ATRX: variants seen among roughly 807,000 people sequenced by gnomAD.
The protein encoded by ATRX is ATRX chromatin remodeler.
Under a neutral mutation model 172.6 loss-of-function variants are expected in ATRX, and 12 were observed. The observed-to-expected ratio is 0.07, with a 90% confidence interval of 0.04 to 0.11. The LOEUF (loss-of-function observed/expected upper bound fraction) is 0.11. Ranked by LOEUF, ATRX falls within the 10% of genes least tolerant of loss-of-function variation. The probability of loss-of-function intolerance (pLI) is 1.00; values close to 1 mark genes in which losing one functional copy is unlikely to be tolerated. For missense variants in ATRX, 1,368 were observed against 1,767.4 expected (o/e 0.77, Z 4.05); for synonymous variants, 674 against 594.7 (o/e 1.13, Z -1.94).
At chrX:77,619,109 G>T in intron 20 of ATRX, 128 bp from the exon 21 acceptor site, 1 of 473,626 alleles carries the variant, frequency 2.1e-6, no homozygotes, top group Non-Finnish European at 3.6e-6. Context: ...AGAATATCAA[G>T]CTAAGTATAG....
chrX:77,623,409 T>C (rs1291225031), intron 19 of ATRX, among the ~76,000 whole-genome samples: 1 of 111,273 alleles, frequency 9.0e-6, no homozygotes. Context: ...GAGACTGAAA[T>C]GGCAATTTAA....
rs782190428 is a variant in ATRX at position 77,663,109 on chromosome X, C to T, written c.4120+273G>A. On this transcript the variant is annotated intron_variant, in intron 12 of 34. Transcript: ENST00000373344. Reference sequence around the variant, plus strand: ...TCGCCCAGGCTGCAATGCAGTGGTGCAATCGCTGCTCACTACAGCCTTGAC... The same window carrying T: ...TCGCCCAGGCTGCAATGCAGTGGTGTAATCGCTGCTCACTACAGCCTTGAC... 4.5e-5 allele frequency among the ~76,000 whole-genome samples: 5 copies of T among 111,506 alleles called. No individual in the cohort carries two copies. The South Asian group carries it at 1.1e-3, about 25-fold the overall frequency.
Position 77,758,781 on chromosome X carries a change from C to T in ATRX, c.20+27201G>A, listed in dbSNP as rs193237947. 4.5e-5 allele frequency among the ~76,000 whole-genome samples: 5 copies of T among 111,353 alleles called. No individual in the cohort carries two copies. The Admixed American group carries it at 4.8e-4, about 11-fold the overall frequency. ...TCAAAAAAAAAAAGCTAACATAGAC[C>T]TGATTTTAACAAAACGAAATGGTTA... On this transcript the variant is annotated intron_variant, in intron 1 of 34. Transcript: ENST00000373344.
intron 34 of ATRX, among the ~76,000 whole-genome samples, chrX:77,517,379 AG>A (rs1307910646): frequency 3.6e-5 from 4 of 111,769 alleles, no homozygotes; most frequent in Admixed American, 1.9e-4. Flanking sequence ...GGATCATTAG[AG>A]GCTCCTATGA....
At chrX:77,632,739 T>C (rs923001635) in intron 19 of ATRX, among the ~76,000 whole-genome samples, 3 of 112,089 alleles carry the variant, frequency 2.7e-5, no homozygotes, top group South Asian at 7.4e-4. Context: ...GGCTCTCACA[T>C]CAGATTACTA....
At chrX:77,691,563 A>T (rs894956416) in intron 6 of ATRX, among the ~76,000 whole-genome samples, 6 of 111,324 alleles carry the variant, frequency 5.4e-5, no homozygotes, top group Non-Finnish European at 1.1e-4. Context: ...GATACTGAAA[A>T]TTTTTTAAAA....
intron 1 of ATRX, among the ~76,000 whole-genome samples, chrX:77,780,499 T>C (rs1352530176): frequency 9.1e-6 from 1 of 109,403 alleles, no homozygotes; most frequent in Non-Finnish European, 1.9e-5. Flanking sequence ...ATGATTTTTT[T>C]TTGTATTTTT....
intron 27 of ATRX, among the ~76,000 whole-genome samples, chrX:77,587,099 T>TA (rs1428876913): frequency 5.5e-5 from 6 of 110,024 alleles, no homozygotes; most frequent in Admixed American, 9.7e-5. Context: ...AATCAAATGA[T>TA]TAAATAAGTT....
At chrX:77,567,728 G>T (rs1383127928) in intron 28 of ATRX, among the ~76,000 whole-genome samples, 1 of 109,672 alleles carries the variant, frequency 9.1e-6, no homozygotes, top group African/African-American at 3.3e-5. Flanking sequence ...AATCTAATCA[G>T]TATTTATAGA....
Position 77,681,904 on chromosome X carries a change from T to G in ATRX, c.3352A>C (p.Lys1118Gln). 1 of 1,210,763 alleles carries G rather than the reference T, an allele frequency of 8.3e-7. No homozygotes were observed. Residue 1118 changes from lysine to glutamine, a missense_variant, in exon 9 of 35, where the codon AAA becomes CAA. This residue lies in a region of ATRX where 843 missense variants were observed against 643.1 expected (regional missense o/e 1.31). Transcript: ENST00000373344. ...SSSDTEKYSM[K>Q]EDGCNSSDKR... is the part of the protein sequence containing the mutation. ...TCAGAAGAGTTACAACCATCTTCTTTCATGGAATATTTCTCAGTATCAGAT... is the reference window on the plus strand; with the variant it reads ...TCAGAAGAGTTACAACCATCTTCTTGCATGGAATATTTCTCAGTATCAGAT...
At chrX:77,732,546 C>T (rs1267100232) in intron 1 of ATRX, among the ~76,000 whole-genome samples, 1 of 111,848 alleles carries the variant, frequency 8.9e-6, no homozygotes, top group East Asian at 2.8e-4. Context: ...CAACAAAATA[C>T]TAGCAAATCA....
At chrX:77,569,378 C>T (rs782035537) in intron 28 of ATRX, among the ~76,000 whole-genome samples, 33 of 110,851 alleles carry the variant, frequency 3.0e-4, no homozygotes, top group African/African-American at 1.1e-3. Context: ...GAGAAACAGA[C>T]AAATTCACAA....
chrX:77,676,155 G>A (rs1294629171), intron 10 of ATRX, 71 bp downstream of exon 10: 30 of 1,011,455 alleles, frequency 3.0e-5, no homozygotes, highest in Non-Finnish European at 4.0e-5. Context: ...TTGCTGTTCC[G>A]TTGCTGCTGT....
At chrX:77,754,880 G>A (rs1318293536) in intron 1 of ATRX, among the ~76,000 whole-genome samples, 1 of 111,723 alleles carries the variant, frequency 9.0e-6, no homozygotes, top group Non-Finnish European at 1.9e-5. Flanking sequence ...ACGTTGGCCT[G>A]TCTTGGTAGG....
intron 15 of ATRX, among the ~76,000 whole-genome samples, chrX:77,647,983 T>TA (rs2069000299): frequency 8.9e-6 from 1 of 111,830 alleles, no homozygotes; most frequent in Non-Finnish European, 1.9e-5. Context: ...ATGATGTCGT[T>TA]ACCATTATTA....
At chrX:77,516,198 C>T (rs1210187901) in intron 34 of ATRX, among the ~76,000 whole-genome samples, 1 of 111,472 alleles carries the variant, frequency 9.0e-6, no homozygotes, top group African/African-American at 3.3e-5. Flanking sequence ...ATATAACAAA[C>T]CTGCACATGT....
intron 1 of ATRX, among the ~76,000 whole-genome samples, chrX:77,767,784 G>A (rs1300456832): frequency 9.0e-6 from 1 of 111,731 alleles, no homozygotes; most frequent in African/African-American, 3.3e-5. Flanking sequence ...TCCCTCAGCT[G>A]TTTTATTCAC....
At chrX:77,617,821 ATCC>A (rs2067415720) in intron 21 of ATRX, among the ~76,000 whole-genome samples, 2 of 110,752 alleles carry the variant, frequency 1.8e-5, no homozygotes, top group African/African-American at 6.6e-5. Flanking sequence ...GGCTCAAGCA[ATCC>A]TCCTGCCTCA....
At chrX:77,631,988 TTTTTTTTG>T (rs1306482101) in intron 19 of ATRX, among the ~76,000 whole-genome samples, 3 of 111,096 alleles carry the variant, frequency 2.7e-5, no homozygotes, top group Non-Finnish European at 5.7e-5. Flanking sequence ...AATGAAAAGT[TTTTTTTTG>T]TTTTTTTGTT....
Sources: gnomAD v4.1 joint callset for allele counts (sites outside exome capture counted in the v4.1 genomes callset) on GRCh38, gnomAD v4.1.1 for gene constraint, gnomAD v4.1.1 regional missense constraint, MANE v1.5 for transcripts, NCBI Gene and HGNC (gene_info 2026-07-23, HGNC 2026-07-21) for gene names.